PPP1R12B: variants seen among roughly 807,000 people sequenced by gnomAD.
PPP1R12B encodes myosin phosphatase target subunit 2.
Under a neutral mutation model 126.1 loss-of-function variants are expected in PPP1R12B, and 76 were observed. The ratio of observed to expected loss-of-function variants is 0.60; its 90% CI spans 0.50 to 0.73. The LOEUF (loss-of-function observed/expected upper bound fraction) is 0.73. Ranked by LOEUF, PPP1R12B falls within the 30% of genes least tolerant of loss-of-function variation. The pLI is 0.00. For synonymous variants in PPP1R12B, 356 were observed against 434.7 expected (o/e 0.82, Z 2.25); for missense variants, 1,052 against 1,205.1 (o/e 0.87, Z 1.88).
chr1:202,446,829 T>A (rs796254402), intron 12 of PPP1R12B, among the ~76,000 whole-genome samples: 1 of 151,996 alleles, frequency 6.6e-6, no homozygotes, highest in South Asian at 2.1e-4. Flanking sequence ...CAGAGCTGGC[T>A]TAGTAGCTCC....
At chr1:202,411,294 A>T (rs1667352253) in intron 1 of PPP1R12B, among the ~76,000 whole-genome samples, 1 of 151,564 alleles carries the variant, frequency 6.6e-6, no homozygotes, top group African/African-American at 2.4e-5. Flanking sequence ...AAAAAGCAAG[A>T]AAACAGTCAC....
chr1:202,444,902 A>G, intron 12 of PPP1R12B: 1 of 557,860 alleles, frequency 1.8e-6, no homozygotes, highest in Middle Eastern at 5.3e-4. Flanking sequence ...CTCTAGCTGG[A>G]GTTGATCACT....
chr1:202,471,615 A>G (rs981909109), intron 13 of PPP1R12B, among the ~76,000 whole-genome samples: 1 of 144,520 alleles, frequency 6.9e-6, no homozygotes, highest in African/African-American at 2.5e-5. Flanking sequence ...TTTTTTGGTA[A>G]TCTAAGGAAG....
At chr1:202,540,879 T>C (rs556786685) in intron 18 of PPP1R12B, among the ~76,000 whole-genome samples, 1 of 152,332 alleles carries the variant, frequency 6.6e-6, no homozygotes, top group African/African-American at 2.4e-5. Context: ...CTCTTGGCCA[T>C]TGACAACCAG....
intron 19 of PPP1R12B, among the ~76,000 whole-genome samples, chr1:202,560,766 G>A (rs774210643): frequency 2.6e-5 from 4 of 152,230 alleles, no homozygotes; most frequent in Admixed American, 6.5e-5. Flanking sequence ...AGTTGCTGTG[G>A]TTCAAATGTC....
At chr1:202,499,872 A>C (rs1324685128) in intron 18 of PPP1R12B, among the ~76,000 whole-genome samples, 1 of 152,262 alleles carries the variant, frequency 6.6e-6, no homozygotes, top group Non-Finnish European at 1.5e-5. Context: ...AATGTTTGCT[A>C]TCAATAGAAT....
intron 1 of PPP1R12B, among the ~76,000 whole-genome samples, chr1:202,366,920 A>C (rs753176223): frequency 3.3e-5 from 5 of 152,230 alleles, no homozygotes; most frequent in Non-Finnish European, 5.9e-5. Flanking sequence ...GTACTGTGCC[A>C]TGTGCATAGT....
chr1:202,437,956 C>T lies in PPP1R12B; in HGVS notation c.1390C>T (p.Arg464Ter), dbSNP rs774172906. ...CAATTCCAGGGAACCTATAAGGGAC[C>T]GAGGCTCTTCCATCTATCGCTCCTC... ...VANSREPIRD[R>*]GSSIYRSSSS... Residue 464 changes from arginine (R) to a stop codon, truncating the protein, a stop_gained, in exon 10 of 24, where the codon CGA (arginine) becomes TGA (stop). Transcript: ENST00000608999. LOFTEE classifies it high-confidence loss of function. 5 of 1,613,916 alleles carry T rather than the reference C, an allele frequency of 3.1e-6. No homozygotes were observed. The highest frequency in any genetic ancestry group is 2.7e-5 in the African/African-American group (2 of 74,866).
At chr1:202,466,564 A>G (rs1272878895) in intron 13 of PPP1R12B, among the ~76,000 whole-genome samples, 2 of 151,878 alleles carry the variant, frequency 1.3e-5, no homozygotes, top group Non-Finnish European at 2.9e-5. Context: ...TGCTGCAGCT[A>G]GCACTCAGAT....
chr1:202,442,936 A>T lies in PPP1R12B; in HGVS notation c.1667+364A>T, dbSNP rs371743702. 2.9e-5 allele frequency among the ~76,000 whole-genome samples: 4 copies of T among 136,142 alleles called. No homozygotes were observed. In the East Asian group the frequency reaches 9.3e-4, roughly 31 times the overall value. The allele number at this position is 136,142 out of a possible 152,430, so 89.3% of individuals were successfully genotyped here. ...CAGAGTAGTTCTCATCCCATGTGCT[A>T]TTTTTGGGGGGAGGAAGGGAGGGAC... On this transcript the variant is annotated intron_variant, in intron 12 of 23. Transcript: ENST00000608999.
intron 3 of PPP1R12B, 90 bp from the exon 4 acceptor site, chr1:202,425,476 T>C: frequency 7.4e-7 from 1 of 1,353,928 alleles, no homozygotes; most frequent in Non-Finnish European, 1.0e-6. Context: ...TGTATTTATG[T>C]TTATGATGTG....
In PPP1R12B at chr1:202,428,854, G is replaced by A; in HGVS notation, c.847-1G>A. ...GTCATGGTGCTCCTTTTCTCTGCCA[G>A]GGCCAGACACCATTTGATGTGGCTG... On this transcript the variant is annotated splice_acceptor_variant, in intron 5 of 23. Transcript: ENST00000608999. LOFTEE classifies it high-confidence loss of function. The A allele has an allele frequency of 6.2e-7, 1 of 1,605,180 alleles. No individual in the cohort carries two copies. Among genetic ancestry groups the A allele is most frequent in the Non-Finnish European group, 8.5e-7 (1 of 1,176,334 alleles).
intron 9 of PPP1R12B, among the ~76,000 whole-genome samples, chr1:202,434,993 C>G (rs1391875719): frequency 6.6e-6 from 1 of 152,138 alleles, no homozygotes; most frequent in African/African-American, 2.4e-5. Flanking sequence ...CCAGCCAGTT[C>G]AGTTCCTGGT....
chr1:202,438,804 CTT>C (rs1671194976), intron 10 of PPP1R12B: 2 of 806,618 alleles, frequency 2.5e-6, no homozygotes, highest in East Asian at 4.9e-5. Context: ...GGCCCTGGAT[CTT>C]AGTGTCTAAC....
chr1:202,487,170 A>AG (rs1185183088), intron 13 of PPP1R12B, among the ~76,000 whole-genome samples: 1 of 152,156 alleles, frequency 6.6e-6, no homozygotes, highest in Non-Finnish European at 1.5e-5. Flanking sequence ...CCTTCCTGAC[A>AG]GAAAAAAGGA....
intron 1 of PPP1R12B, among the ~76,000 whole-genome samples, chr1:202,392,531 T>C (rs1196440439): frequency 6.6e-6 from 1 of 151,690 alleles, no homozygotes; most frequent in Non-Finnish European, 1.5e-5. Flanking sequence ...TTTTTTTCTT[T>C]TTTTTTTTGA....
chr1:202,380,610 T>G (rs1427344504), intron 1 of PPP1R12B, among the ~76,000 whole-genome samples: 1 of 152,130 alleles, frequency 6.6e-6, no homozygotes, highest in Non-Finnish European at 1.5e-5. Flanking sequence ...CCCCCCCCAT[T>G]CCTTGGCTCT....
chr1:202,551,615 T>A (rs575388163), intron 18 of PPP1R12B, among the ~76,000 whole-genome samples: 1 of 152,230 alleles, frequency 6.6e-6, no homozygotes, highest in East Asian at 1.9e-4. Flanking sequence ...AACCCACGTA[T>A]ATGACAAGAT....
At chr1:202,388,700 C>G (rs1174718063) in intron 1 of PPP1R12B, among the ~76,000 whole-genome samples, 1 of 152,018 alleles carries the variant, frequency 6.6e-6, no homozygotes, top group Non-Finnish European at 1.5e-5. Flanking sequence ...CAGTTTCTGA[C>G]ACTTAGTAGG....
Sources: gnomAD v4.1 joint callset for allele counts (sites outside exome capture counted in the v4.1 genomes callset) on GRCh38, gnomAD v4.1.1 for gene constraint, MANE v1.5 for transcripts, NCBI Gene and HGNC (gene_info 2026-07-23, HGNC 2026-07-21) for gene names.